The following DEPTOR variants were observed in gnomAD, a reference collection of about 807,000 sequenced individuals.
DEPTOR encodes the protein DEP domain containing MTOR interacting protein.
A neutral mutation model predicts 41.6 loss-of-function variants in DEPTOR; 41 were observed. The ratio of observed to expected loss-of-function variants is 0.98; its 90% CI spans 0.77 to 1.28. The LOEUF (loss-of-function observed/expected upper bound fraction) is 1.28, where lower values mean the gene tolerates loss of function less well. Ranked by LOEUF, DEPTOR falls within the 50% of genes most tolerant of loss-of-function variation. DEPTOR has a pLI of 0.00. For missense variants in DEPTOR, 514 were observed against 527.9 expected, an observed-to-expected ratio of 0.97 and a Z score of 0.26; for synonymous variants, 195 against 192.3, an observed-to-expected ratio of 1.01 and a Z score of -0.12.
At position 119,928,437 on chromosome 8, in the gene DEPTOR, C is replaced by A. The variant is rs747175884; in HGVS notation, c.160C>A (p.Arg54Ser). The A allele has an allele frequency of 6.2e-7, 1 of 1,614,010 alleles. No homozygotes were observed. The highest frequency in any genetic ancestry group is 1.1e-5 in the South Asian group (1 of 91,046). Residue 54 changes from arginine to serine, a missense_variant, in exon 2 of 9, where the codon CGT (arginine) becomes AGT (serine). Coordinates refer to ENST00000286234, the MANE Select transcript of DEPTOR (RefSeq NM_022783.4). The stretch of plus-strand genomic sequence containing the variant: ...CGAAGAAAAGGTTATTAAAGATAGA[C>A]GTCATCATCTCAAGACCTACCCAAA... ...LHEEKVIKDR[R>S]HHLKTYPNCF...
At chr8:119,895,476 C>T (rs1827508774) in intron 1 of DEPTOR, among the ~76,000 whole-genome samples, 1 of 152,226 alleles carries the variant, frequency 6.6e-6, no homozygotes, top group South Asian at 2.1e-4. Context: ...GTACATCAAC[C>T]TGTCTGGCCA....
intron 4 of DEPTOR, among the ~76,000 whole-genome samples, chr8:119,969,197 T>C (rs1323423092): frequency 6.6e-6 from 1 of 152,086 alleles, no homozygotes; most frequent in African/African-American, 2.4e-5. Flanking sequence ...AGAAAGAAGA[T>C]AGAGGATGCT....
At chr8:119,909,807 G>A (rs1827714182) in intron 1 of DEPTOR, among the ~76,000 whole-genome samples, 1 of 152,218 alleles carries the variant, frequency 6.6e-6, no homozygotes, top group Admixed American at 6.5e-5. Context: ...TTACATGCTT[G>A]TTTGCCAAAT....
intron 1 of DEPTOR, among the ~76,000 whole-genome samples, chr8:119,888,621 C>T (rs922299055): frequency 3.3e-5 from 5 of 151,880 alleles, no homozygotes; most frequent in Admixed American, 2.6e-4. Flanking sequence ...TTTGGGAGGC[C>T]GAGGCAGGCA....
intron 1 of DEPTOR, among the ~76,000 whole-genome samples, chr8:119,917,704 C>T (rs572275965): frequency 2.0e-3 from 302 of 152,272 alleles, no homozygotes; most frequent in Non-Finnish European, 3.4e-3. Context: ...TTCCCCAGCC[C>T]AACACCCGTA....
intron 6 of DEPTOR, among the ~76,000 whole-genome samples, chr8:120,005,514 T>A (rs866295036): frequency 6.6e-6 from 1 of 152,060 alleles, no homozygotes; most frequent in South Asian, 2.1e-4. Context: ...TTTCCTTGTC[T>A]GCTGCACACT....
At position 120,050,518 on chromosome 8, in the gene DEPTOR, A is replaced by T. The variant is rs933310816; in HGVS notation, c.*814A>T. On this transcript the variant is annotated 3_prime_UTR_variant, in exon 9 of 9. Transcript: ENST00000286234. ...ATAATTAAAAATCAACCCTTCTGGC[A>T]AGATTTCACTTTGAAGGTGTCTGTT... 1 of 152,214 alleles carries T rather than the reference A, an allele frequency of 6.6e-6. No individual in the cohort carries two copies. Among genetic ancestry groups the T allele is most frequent in the African/African-American group, 2.4e-5 (1 of 41,446 alleles). The allele number at this position is 152,214 out of a possible 1,614,324, so 9.4% of individuals were successfully genotyped here.
At chr8:119,893,780 A>AG (rs1827480287) in intron 1 of DEPTOR, among the ~76,000 whole-genome samples, 1 of 151,570 alleles carries the variant, frequency 6.6e-6, no homozygotes, top group African/African-American at 2.4e-5. Context: ...CGTCTCAAAA[A>AG]AAAAAAATCT....
chr8:119,898,539 T>C (rs7837823), intron 1 of DEPTOR, among the ~76,000 whole-genome samples: 124,016 of 151,498 alleles, frequency 0.82, 51,102 homozygotes, highest in East Asian at 0.95. Context: ...GCCTGGGCAA[T>C]GTGATGAGAC....
chr8:119,876,108 C>T (rs1369156747), intron 1 of DEPTOR, among the ~76,000 whole-genome samples: 2 of 152,166 alleles, frequency 1.3e-5, no homozygotes, highest in Non-Finnish European at 2.9e-5. Context: ...TTTTGTCCAG[C>T]AAGTACTTTT....
At chr8:120,011,749 TTAAC>T (rs1257358056) in intron 8 of DEPTOR, among the ~76,000 whole-genome samples, 1 of 152,242 alleles carries the variant, frequency 6.6e-6, no homozygotes, top group Non-Finnish European at 1.5e-5. Context: ...TGTCAACTCA[TTAAC>T]TAACTCTTTA....
intron 1 of DEPTOR, among the ~76,000 whole-genome samples, chr8:119,905,241 C>T (rs1358595944): frequency 1.3e-5 from 2 of 152,056 alleles, no homozygotes; most frequent in Admixed American, 1.3e-4. Flanking sequence ...ACAGCTACAG[C>T]CAGAGATAGA....
chr8:120,011,838 A>G (rs1392882011), intron 8 of DEPTOR, among the ~76,000 whole-genome samples: 2 of 152,180 alleles, frequency 1.3e-5, no homozygotes, highest in Non-Finnish European at 2.9e-5. Flanking sequence ...TATGGTTTAT[A>G]TGTTTAGTTT....
At chr8:120,019,589 C>T (rs1812667148) in intron 8 of DEPTOR, among the ~76,000 whole-genome samples, 2 of 152,166 alleles carry the variant, frequency 1.3e-5, no homozygotes, top group South Asian at 4.1e-4. Flanking sequence ...TCTGGGCTTC[C>T]TTCTCATCTG....
At chr8:119,903,629 A>G (rs1304215508) in intron 1 of DEPTOR, among the ~76,000 whole-genome samples, 1 of 152,150 alleles carries the variant, frequency 6.6e-6, no homozygotes, top group African/African-American at 2.4e-5. Flanking sequence ...ATGAGAACTG[A>G]CAGTCTTGGT....
chr8:119,958,609 C>A (rs78130591), intron 3 of DEPTOR, among the ~76,000 whole-genome samples: 5,440 of 152,040 alleles, frequency 0.036, 106 homozygotes, highest in African/African-American at 0.052. Flanking sequence ...CGGTAAAATC[C>A]CATCTCTACT....
At chr8:119,966,122 G>A (rs1470804185) in intron 4 of DEPTOR, among the ~76,000 whole-genome samples, 2 of 152,068 alleles carry the variant, frequency 1.3e-5, no homozygotes, top group East Asian at 3.9e-4. Flanking sequence ...CATTGTATCG[G>A]GTATTTTACA....
At position 120,026,957 on chromosome 8, in the gene DEPTOR, G is replaced by A. The variant is rs1419278280; in HGVS notation, c.1101+17824G>A. On this transcript the variant is annotated intron_variant, in intron 8 of 8. Coordinates refer to ENST00000286234, the MANE Select transcript of DEPTOR (RefSeq NM_022783.4). ...ATGCCTACCGGGTGTGGTGGCTCAC[G>A]CCTATAATCCCAGTACTTTGGGAGA... Among the ~76,000 whole-genome samples, 11 of 152,032 alleles carry A rather than the reference G, an allele frequency of 7.2e-5. No individual in the cohort carries two copies. In the East Asian group the frequency reaches 2.1e-3, roughly 29 times the overall value.
chr8:119,945,217 CCCTT>C (rs1396708822), intron 3 of DEPTOR, among the ~76,000 whole-genome samples: 8 of 152,270 alleles, frequency 5.3e-5, no homozygotes, highest in African/African-American at 1.9e-4. Context: ...AATAGGCAGT[CCCTT>C]CCTCCTTTTC....
Sources: gnomAD v4.1 joint callset for allele counts (sites outside exome capture counted in the v4.1 genomes callset) on GRCh38, gnomAD v4.1.1 for gene constraint, MANE v1.5 for transcripts, NCBI Gene and HGNC (gene_info 2026-07-23, HGNC 2026-07-21) for gene names.